The following IAPP variants were observed in gnomAD, a reference collection of about 807,000 sequenced individuals.
IAPP encodes the protein Islet amyloid polypeptide (diabetes-associated peptide; amylin).
A neutral mutation model predicts 2.9 loss-of-function variants in IAPP; 4 were observed. The observed-to-expected ratio is 1.39, with a 90% CI of 0.69 to 3.19. The LOEUF is 3.19. IAPP is among the 30% of genes most tolerant of loss of function. The pLI is 0.01. For missense variants in IAPP, 114 were observed against 105.3 expected (o/e 1.08, Z -0.36); for synonymous variants, 40 against 42.1 (o/e 0.95, Z 0.19).
chr12:21,361,216 T>A (rs2137047916), intron 1 of IAPP, among the ~76,000 whole-genome samples: 1 of 152,296 alleles, frequency 6.6e-6, no homozygotes, highest in African/African-American at 2.4e-5. Context: ...CAGCAACATC[T>A]GCTGTTCTGC....
chr12:21,376,207 G>A, intron 2 of IAPP: 1 of 158,146 alleles, frequency 6.3e-6, no homozygotes, highest in South Asian at 1.6e-4. Flanking sequence ...TCAGCATTTA[G>A]CATATAAAGT....
upstream of IAPP, among the ~76,000 whole-genome samples, chr12:21,368,874 C>T (rs896851809): frequency 6.6e-6 from 1 of 152,046 alleles, no homozygotes; most frequent in African/African-American, 2.4e-5. Flanking sequence ...GTGAGGAGAG[C>T]TGAATCTTCT....
chr12:21,377,989 AAAGG>A (rs1940325738), intron 2 of IAPP, among the ~76,000 whole-genome samples: 1 of 152,206 alleles, frequency 6.6e-6, no homozygotes, highest in South Asian at 2.1e-4. Context: ...CTGAATTTCC[AAAGG>A]AAGACTTTTA....
At chr12:21,359,581 T>A (rs1030813855) in intron 1 of IAPP, among the ~76,000 whole-genome samples, 2 of 152,112 alleles carry the variant, frequency 1.3e-5, no homozygotes, top group Non-Finnish European at 2.9e-5. Flanking sequence ...CACTAATAAA[T>A]GTCAATGGAC....
At chr12:21,366,450 C>T (rs544100841) in intron 1 of IAPP, among the ~76,000 whole-genome samples, 2 of 152,080 alleles carry the variant, frequency 1.3e-5, no homozygotes, top group African/African-American at 4.8e-5. Context: ...ATGTAAATGA[C>T]GAGTTGACGG....
chr12:21,376,686 G>C (rs1239835953), intron 2 of IAPP, among the ~76,000 whole-genome samples: 2 of 151,870 alleles, frequency 1.3e-5, no homozygotes, highest in African/African-American at 2.4e-5. Flanking sequence ...TTTCACATGA[G>C]ATTATTAAAT....
chr12:21,358,985 G>A (rs928951702), intron 1 of IAPP, among the ~76,000 whole-genome samples: 6 of 152,128 alleles, frequency 3.9e-5, no homozygotes, highest in African/African-American at 7.2e-5. Flanking sequence ...AAAGACTGAG[G>A]AGAGATAATG....
At chr12:21,373,031 GTTTT>G (rs1172019741) in intron 1 of IAPP, 27 bp downstream of exon 1, 3 of 293,248 alleles carry the variant, frequency 1.0e-5, no homozygotes, top group Non-Finnish European at 6.3e-6. Flanking sequence ...TTCTGGGAAA[GTTTT>G]ATTTATTTAG....
chr12:21,357,302 C>T (rs1303608272), intron 1 of IAPP, among the ~76,000 whole-genome samples: 1 of 152,128 alleles, frequency 6.6e-6, no homozygotes, highest in African/African-American at 2.4e-5. Flanking sequence ...GAGACACACA[C>T]ACAGGGATAA....
chr12:21,376,952 T>C, intron 2 of IAPP, among the ~76,000 whole-genome samples: 1 of 152,156 alleles, frequency 6.6e-6, no homozygotes, highest in East Asian at 1.9e-4. Flanking sequence ...GAGGAAGCAA[T>C]GTTATTATTC....
chr12:21,359,399 G>T (rs2137040066), intron 1 of IAPP, among the ~76,000 whole-genome samples: 1 of 151,324 alleles, frequency 6.6e-6, no homozygotes, highest in South Asian at 2.1e-4. Context: ...TAAAACATTA[G>T]TGAAAAAAAA....
At chr12:21,360,441 A>G (rs1430375268) in intron 1 of IAPP, among the ~76,000 whole-genome samples, 1 of 152,232 alleles carries the variant, frequency 6.6e-6, no homozygotes, top group African/African-American at 2.4e-5. Flanking sequence ...TGGCACCAAG[A>G]TGGCCGAATA....
chr12:21,377,754 G>A (rs1940306878), intron 2 of IAPP, among the ~76,000 whole-genome samples: 1 of 152,050 alleles, frequency 6.6e-6, no homozygotes, highest in African/African-American at 2.4e-5. Context: ...GACATTTCTT[G>A]CATAACACTC....
At chr12:21,373,695 G>A in intron 2 of IAPP, 1 of 701,654 alleles carries the variant, frequency 1.4e-6, no homozygotes. Context: ...GAACTTAGAG[G>A]GGCAAAGCCA....
intron 1 of IAPP, among the ~76,000 whole-genome samples, chr12:21,367,450 T>C (rs1939475073): frequency 6.6e-6 from 1 of 152,070 alleles, no homozygotes; most frequent in Non-Finnish European, 1.5e-5. Flanking sequence ...GGTCAGAGGC[T>C]ATAGGAGAAA....
intron 1 of IAPP, among the ~76,000 whole-genome samples, chr12:21,361,655 G>C (rs1286966851): frequency 6.6e-6 from 1 of 152,114 alleles, no homozygotes; most frequent in African/African-American, 2.4e-5. Flanking sequence ...AAAAAGAGTA[G>C]ACGAATGGCA....
At chr12:21,358,133 A>G (rs1938520926) in intron 1 of IAPP, among the ~76,000 whole-genome samples, 1 of 152,180 alleles carries the variant, frequency 6.6e-6, no homozygotes, top group African/African-American at 2.4e-5. Flanking sequence ...TAATAAACTT[A>G]AAAATGTCTG....
intron 1 of IAPP, among the ~76,000 whole-genome samples, chr12:21,359,508 T>A (rs543173463): frequency 6.6e-6 from 1 of 152,084 alleles, no homozygotes; most frequent in African/African-American, 2.4e-5. Flanking sequence ...AACCTTGCAA[T>A]GAAATCCACC....
chr12:21,373,165 G>A (rs1333722891), intron 1 of IAPP, among the ~76,000 whole-genome samples, 161 bp downstream of exon 1: 4 of 152,114 alleles, frequency 2.6e-5, no homozygotes, highest in African/African-American at 4.8e-5. Context: ...TAAAAATCTC[G>A]AAATTACTTG....
Sources: gnomAD v4.1 joint callset for allele counts (sites outside exome capture counted in the v4.1 genomes callset) on GRCh38, gnomAD v4.1.1 for gene constraint, MANE v1.5 for transcripts, NCBI Gene and HGNC (gene_info 2026-07-23, HGNC 2026-07-21) for gene names.